KLRG1: variants seen among roughly 807,000 people sequenced by gnomAD.
KLRG1 encodes killer cell lectin like receptor G1, also known as killer cell lectin-like receptor subfamily G member 1.
Under a neutral mutation model 21.8 loss-of-function variants are expected in KLRG1, and 16 were observed. The ratio of observed to expected loss-of-function variants is 0.73; its 90% confidence interval spans 0.50 to 1.11. The LOEUF (loss-of-function observed/expected upper bound fraction) is 1.11. KLRG1 is among the 50% of genes most tolerant of loss of function. The probability of loss-of-function intolerance (pLI) is 0.00; values close to 1 mark genes in which losing one functional copy is unlikely to be tolerated. For missense variants in KLRG1, 173 were observed against 218.3 expected (o/e 0.79, Z 1.31); for synonymous variants, 69 against 75.9 (o/e 0.91, Z 0.47).
the KLRG1 span, chr12:9,148,708 C>T: frequency 2.5e-6 from 1 of 396,312 alleles, no homozygotes; most frequent in Non-Finnish European, 4.5e-6. Context: ...TACCTGCAAC[C>T]TCCACTCTGC....
At position 8,992,255 on chromosome 12, in the gene KLRG1, G is replaced by T. The variant is rs1946993757; in HGVS notation, c.132G>T (p.Gly44=). 2 of 1,613,908 alleles carry T rather than the reference G, an allele frequency of 1.2e-6. No individual in the cohort carries two copies. The highest frequency in any genetic ancestry group is 1.7e-6 in the Non-Finnish European group (2 of 1,179,892). ...CTTGCCTTGTGGCAATAGCTTTGGG[G>T]CTTCTGACTGCAGTTCTTCTGAGTG... ...SCSCLVAIAL[G]LLTAVLLSVL... Residue 44 remains glycine (G), a synonymous_variant, in exon 2 of 5, where the codon GGG becomes GGT. Coordinates refer to ENST00000356986, the MANE Select transcript of KLRG1 (RefSeq NM_005810.4).
At chr12:9,200,571 G>T in the KLRG1 span, 1 of 781,682 alleles carries the variant, frequency 1.3e-6, no homozygotes. Flanking sequence ...ACTTTCCAAT[G>T]TATCAACTTT....
At chr12:9,128,152 C>A in the KLRG1 span, 1 of 191,358 alleles carries the variant, frequency 5.2e-6, no homozygotes, top group Non-Finnish European at 1.1e-5. Context: ...AGAACCACAA[C>A]GAGGAAATCA....
the KLRG1 span, among the ~76,000 whole-genome samples, chr12:9,207,257 G>T: frequency 6.6e-6 from 1 of 152,172 alleles, no homozygotes; most frequent in African/African-American, 2.4e-5. Flanking sequence ...GACACGATAG[G>T]CATCTAGAAG....
the KLRG1 span, among the ~76,000 whole-genome samples, chr12:9,107,101 C>A: frequency 6.6e-6 from 1 of 152,150 alleles, no homozygotes; most frequent in African/African-American, 2.4e-5. Flanking sequence ...CTGGTTCCTC[C>A]TCCATAATAT....
At chr12:9,027,387 T>G in the KLRG1 span, 1 of 497,390 alleles carries the variant, frequency 2.0e-6, no homozygotes, top group Non-Finnish European at 3.8e-6. Flanking sequence ...CCCATGCACA[T>G]GAGTATTTGC....
the KLRG1 span, among the ~76,000 whole-genome samples, chr12:9,033,526 A>G: frequency 6.6e-6 from 1 of 152,068 alleles, no homozygotes; most frequent in Non-Finnish European, 1.5e-5. Context: ...ACTTTGGGGA[A>G]ATTGGGCACT....
the KLRG1 span, among the ~76,000 whole-genome samples, chr12:9,026,549 T>G: frequency 6.6e-6 from 1 of 152,206 alleles, no homozygotes; most frequent in East Asian, 1.9e-4. Context: ...ATGTTATAGC[T>G]TTGTCATCAT....
chr12:9,167,045 G>T, the KLRG1 span: 26 of 152,164 alleles, frequency 1.7e-4, no homozygotes, highest in African/African-American at 6.0e-4. Context: ...AGCATCAGTA[G>T]TAATTTCTTT....
the KLRG1 span, among the ~76,000 whole-genome samples, chr12:9,214,361 T>C: frequency 6.6e-6 from 1 of 152,176 alleles, no homozygotes; most frequent in South Asian, 2.1e-4. Context: ...GTCTGTCCTT[T>C]CTGTATAAAA....
At chr12:9,151,678 G>A in the KLRG1 span, 5 of 1,612,562 alleles carry the variant, frequency 3.1e-6, no homozygotes, top group Non-Finnish European at 4.2e-6. Flanking sequence ...TCAAGCTGGA[G>A]AGAATTAGAA....
chr12:9,114,863 A>T, the KLRG1 span, among the ~76,000 whole-genome samples: 1 of 152,176 alleles, frequency 6.6e-6, no homozygotes, highest in Non-Finnish European at 1.5e-5. Flanking sequence ...AAATACTTGT[A>T]TATAACTGAT....
the KLRG1 span, chr12:9,115,582 T>G: frequency 1.3e-5 from 7 of 554,102 alleles, no homozygotes; most frequent in Non-Finnish European, 1.9e-5. Context: ...CTTCAGAGAG[T>G]TGGGGAAGAA....
chr12:9,058,509 A>G, the KLRG1 span: 1 of 151,908 alleles, frequency 6.6e-6, no homozygotes, highest in Non-Finnish European at 1.5e-5. Flanking sequence ...GCTCATTGTA[A>G]TATAAACAAA....
At chr12:9,019,333 A>G in the KLRG1 span, among the ~76,000 whole-genome samples, 1 of 152,146 alleles carries the variant, frequency 6.6e-6, no homozygotes, top group African/African-American at 2.4e-5. Context: ...GTGTAAATTA[A>G]TACAACCACT....
At chr12:9,212,885 C>G in the KLRG1 span, among the ~76,000 whole-genome samples, 3 of 152,034 alleles carry the variant, frequency 2.0e-5, no homozygotes, top group Non-Finnish European at 2.9e-5. Context: ...TAATTATTAC[C>G]ACTATGAAAT....
the KLRG1 span, among the ~76,000 whole-genome samples, chr12:9,045,936 A>G: frequency 6.6e-6 from 1 of 152,202 alleles, no homozygotes; most frequent in Non-Finnish European, 1.5e-5. Context: ...ACACAGGAAC[A>G]CAAAATCAAA....
the KLRG1 span, chr12:9,104,424 A>G: frequency 7.7e-6 from 12 of 1,563,082 alleles, no homozygotes; most frequent in African/African-American, 1.4e-5. Flanking sequence ...GCTGTGGATT[A>G]GTTATATTGG....
the KLRG1 span, among the ~76,000 whole-genome samples, chr12:9,042,823 T>A: frequency 2.6e-5 from 4 of 152,100 alleles, no homozygotes; most frequent in Non-Finnish European, 4.4e-5. Context: ...CAATGTCTTA[T>A]AGAAAAGGAA....
Sources: gnomAD v4.1 joint callset for allele counts (sites outside exome capture counted in the v4.1 genomes callset) on GRCh38, gnomAD v4.1.1 for gene constraint, MANE v1.5 for transcripts, NCBI Gene and HGNC (gene_info 2026-07-23, HGNC 2026-07-21) for gene names.